Variants in USP8 observed in about 807,000 individuals in gnomAD.
The protein encoded by USP8 is ubiquitin specific peptidase 8.
A neutral mutation model predicts 130.0 loss-of-function variants in USP8; 27 were observed. The ratio of observed to expected loss-of-function variants is 0.21; its 90% CI spans 0.15 to 0.29. The LOEUF is 0.29. Among genes scored for constraint, USP8 ranks in the 10% least tolerant of loss-of-function variants. The pLI is 1.00. For synonymous variants in USP8, 392 were observed against 444.1 expected, an observed-to-expected ratio of 0.88 and a Z score of 1.48; for missense variants, 1,029 against 1,312.2, an observed-to-expected ratio of 0.78 and a Z score of 3.33.
At chr15:50,498,006 A>C (rs2052481959) in intron 18 of USP8, among the ~76,000 whole-genome samples, 1 of 152,112 alleles carries the variant, frequency 6.6e-6, no homozygotes. Flanking sequence ...CCATTGTCCT[A>C]GTTGAGGATT....
chr15:50,459,591 A>G (rs1337075697), intron 5 of USP8, among the ~76,000 whole-genome samples: 1 of 152,218 alleles, frequency 6.6e-6, no homozygotes, highest in African/African-American at 2.4e-5. Flanking sequence ...TCTCAAAAAA[A>G]AAGAAAAGAA....
intron 14 of USP8, 87 bp from the exon 15 acceptor site, chr15:50,492,614 G>T: frequency 1.5e-6 from 2 of 1,322,880 alleles, no homozygotes; most frequent in Non-Finnish European, 2.1e-6. Context: ...TGGTACAGGT[G>T]CTACAGTTTG....
In USP8 at chr15:50,462,312, C is replaced by G; in HGVS notation, c.531C>G (p.Thr177=). Residue 177 remains threonine (T), a synonymous_variant, in exon 6 of 20, where the codon ACC becomes ACG. Coordinates refer to ENST00000307179, the MANE Select transcript of USP8 (RefSeq NM_005154.5). ...SNGEKNEKCE[T]KEKGAITAKE... is the part of the protein sequence containing the mutation. ...GTGAAAAGAATGAAAAATGTGAGAC[C>G]AAAGAGAAAGGTAAGTGTGTACAGA... The G allele has an allele frequency of 6.3e-7, 1 of 1,599,224 alleles. No homozygotes were observed. Among genetic ancestry groups the G allele is most frequent in the Non-Finnish European group, 8.5e-7 (1 of 1,175,856 alleles).
At chr15:50,469,924 C>A (rs1448389406) in intron 7 of USP8, among the ~76,000 whole-genome samples, 1 of 151,874 alleles carries the variant, frequency 6.6e-6, no homozygotes, top group Non-Finnish European at 1.5e-5. Context: ...CCCCACCTCC[C>A]AGGTTCAAGC....
At chr15:50,489,515 C>T (rs2052081478) in intron 12 of USP8, 2 of 162,856 alleles carry the variant, frequency 1.2e-5, no homozygotes. Flanking sequence ...CACTGTCTTC[C>T]TCCCCGTGAA....
In USP8 at chr15:50,481,577, A is replaced by G. The variant is rs2051771382; in HGVS notation, c.1315A>G (p.Lys439Glu). 1.9e-6 allele frequency: 3 copies of G among 1,614,002 alleles called. No individual in the cohort carries two copies. The highest frequency in any genetic ancestry group is 3.3e-5 in the Admixed American group (2 of 59,992). ...NHEQQSPQSG[K>E]VIPDRSTKPV... ...TGAGCAACAATCTCCTCAGAGTGGA[A>G]AAGTTATTCCTGATCGTTCCACCAA... Residue 439 changes from lysine (K) to glutamate (E), a missense_variant, in exon 11 of 20, where the codon AAA becomes GAA. Around this residue, in one of 4 missense-constraint regions of USP8, gnomAD observed 486 missense variants for 522.0 expected, o/e 0.93. Coordinates refer to ENST00000307179, the MANE Select transcript of USP8 (RefSeq NM_005154.5).
rs1566894264 is a variant in USP8, at chr15:50,497,328, C to T, written c.3038+97C>T. ...CTTGTTGTACTGCCTGCCATGGGCA[C>T]ATAACAAAGGGCGATTATCTGGTTA... On this transcript the variant is annotated intron_variant, in intron 18 of 19. Transcript: ENST00000307179. 5 of 1,407,406 alleles carry T rather than the reference C, an allele frequency of 3.6e-6. No individual in the cohort carries two copies. In the South Asian group the frequency reaches 7.7e-5, roughly 22 times the overall value. 87.2% of individuals were successfully genotyped at this position (1,407,406 alleles called of 1,614,324 possible). A position where few individuals can be genotyped will look rare whatever the true frequency, so the allele number is the denominator to read the frequency against.
Position 50,500,482 on chromosome 15 carries a change from A to G in USP8, c.*1394A>G, listed in dbSNP as rs2052563190. The G allele has an allele frequency of 3.1e-6, 1 of 317,720 alleles. No homozygotes were observed. 19.7% of individuals were successfully genotyped at this position (317,720 alleles called of 1,614,324 possible). Reference sequence around the variant, plus strand: ...TGCCTTTTTTAGTGAACCAAGACCCATCTTCTGGACGACAGATTTATCTTA... The same window carrying G: ...TGCCTTTTTTAGTGAACCAAGACCCGTCTTCTGGACGACAGATTTATCTTA... On this transcript the variant is annotated 3_prime_UTR_variant, in exon 20 of 20. Coordinates refer to ENST00000307179, the MANE Select transcript of USP8 (RefSeq NM_005154.5).
rs549306169 is a variant in USP8 at position 50,431,081 on chromosome 15, T to C, written c.-66+6567T>C. On this transcript the variant is annotated intron_variant, in intron 1 of 19. Transcript: ENST00000307179. ...AAGGTTGAGAAACGCTGCTGTAAAC[T>C]GATCAGTTTTAAACTGCAGTATTAC... Among the ~76,000 whole-genome samples the C allele has an allele frequency of 2.0e-5, 3 of 152,270 alleles. No homozygotes were observed. In the East Asian group the frequency reaches 5.8e-4, roughly 29 times the overall value.
At position 50,499,331 on chromosome 15, in the gene USP8, TTAAAA is replaced by T. The variant is rs2052530141; in HGVS notation, c.*247_*251del. 2 of 327,374 alleles carry T rather than the reference TTAAAA, an allele frequency of 6.1e-6. No individual in the cohort carries two copies. Among genetic ancestry groups the T allele is most frequent in the Non-Finnish European group, 1.1e-5 (2 of 181,648 alleles). The allele number at this position is 327,374 out of a possible 1,614,324, so 20.3% of individuals were successfully genotyped here. A position where few individuals can be genotyped will look rare whatever the true frequency, so the allele number is the denominator to read the frequency against. ...ACAACTTTTTTAGTCTGCTCCAAAG[TTAAAA>T]TAATTAACTAGCTAAGCATTATTAT... On this transcript the variant is annotated 3_prime_UTR_variant, in exon 20 of 20. Coordinates refer to ENST00000307179, the MANE Select transcript of USP8 (RefSeq NM_005154.5).
intron 1 of USP8, chr15:50,426,863 T>C (rs1248675806): frequency 6.6e-6 from 1 of 152,210 alleles, no homozygotes; most frequent in African/African-American, 2.4e-5. Flanking sequence ...TACTATAATT[T>C]TGATGACAAA....
At chr15:50,462,851 CTTA>C (rs1393206435) in intron 6 of USP8, among the ~76,000 whole-genome samples, 1 of 152,030 alleles carries the variant, frequency 6.6e-6, no homozygotes, top group Non-Finnish European at 1.5e-5. Context: ...TTAAGTAGGA[CTTA>C]TTATCATTTA....
rs200283811 is a variant in USP8, at chr15:50,499,080, G to A, written c.3349G>A (p.Ala1117Thr). The change falls in exon 20 of 20, where the codon GCC (alanine) becomes ACC (threonine). Residue 1117 changes from alanine to threonine, a missense_variant. Transcript: ENST00000307179. Reference protein sequence around the residue: ...TSLGPRVTDVAT With the variant: ...TSLGPRVTDVTT ...ATTGGGACCACGAGTAACTGATGTA[G>A]CCACATAAGGAGACATAGGTTATAA... The A allele has an allele frequency of 1.1e-5, 18 of 1,604,658 alleles. No homozygotes were observed. In the African/African-American group the frequency reaches 1.2e-4, roughly 11 times the overall value.
chr15:50,440,831 C>T (rs1431749467), intron 2 of USP8, among the ~76,000 whole-genome samples: 2 of 149,790 alleles, frequency 1.3e-5, no homozygotes, highest in Non-Finnish European at 3.0e-5. Context: ...GGTGAAACCT[C>T]GTCTCTACTA....
At chr15:50,496,902 T>A (rs1450776404) in intron 17 of USP8, 187 bp from the exon 18 acceptor site, 10 of 658,562 alleles carry the variant, frequency 1.5e-5, no homozygotes, top group South Asian at 4.6e-5. Flanking sequence ...CTCACCACAC[T>A]CTGTGCTGTC....
rs1198802758 is a variant in USP8, at chr15:50,499,095, A to G, written c.*7A>G. 1.1e-5 allele frequency: 18 copies of G among 1,587,988 alleles called. No individual in the cohort carries two copies. Among genetic ancestry groups the G allele is most frequent in the Non-Finnish European group, 1.4e-5 (16 of 1,167,560 alleles). ...AACTGATGTAGCCACATAAGGAGAC[A>G]TAGGTTATAAACTAGTTATCTTTTA... On this transcript the variant is annotated 3_prime_UTR_variant, in exon 20 of 20. Transcript: ENST00000307179.
Position 50,504,636 on chromosome 15 carries a change from GGTACAACT to G in USP8, c.*5553_*5560del, listed in dbSNP as rs1161255465. ...GGAACCAACTCCCTGCAGATACTGA[GGTACAACT>G]GTACTGGAAATTAACTTAATGAAGA... On this transcript the variant is annotated 3_prime_UTR_variant, in exon 20 of 20. Coordinates refer to ENST00000307179, the MANE Select transcript of USP8 (RefSeq NM_005154.5). 6.6e-6 allele frequency: 1 copy of G among 152,160 alleles called. No homozygotes were observed. Among genetic ancestry groups the G allele is most frequent in the Non-Finnish European group, 1.5e-5 (1 of 68,066 alleles). The allele number at this position is 152,160 out of a possible 1,614,324, so 9.4% of individuals were successfully genotyped here.
chr15:50,489,826 C>T lies in USP8; in HGVS notation c.1916C>T (p.Ala639Val), dbSNP rs749992885. The change falls in exon 13 of 20, where the codon GCA becomes GTA. Residue 639 changes from alanine to valine, a missense_variant. Around this residue, in one of 4 missense-constraint regions of USP8, gnomAD observed 486 missense variants for 522.0 expected, o/e 0.93. Transcript: ENST00000307179. ...GCTCAACGAGAACCTTTGACAAGAG[C>T]ACGAAGTGAAGAAATGGGGAGGATC... Reference protein sequence around the residue: ...NKAQREPLTRARSEEMGRIVP... With the variant: ...NKAQREPLTRVRSEEMGRIVP... 2 of 1,571,470 alleles carry T rather than the reference C, an allele frequency of 1.3e-6. No individual in the cohort carries two copies. Among genetic ancestry groups the T allele is most frequent in the Non-Finnish European group, 1.7e-6 (2 of 1,158,888 alleles).
intron 6 of USP8, among the ~76,000 whole-genome samples, chr15:50,464,659 C>A (rs1192486015): frequency 1.3e-5 from 2 of 152,148 alleles, no homozygotes; most frequent in East Asian, 3.8e-4. Context: ...GAGTTCCAGA[C>A]CAGCCTAGTC....
Sources: allele counts gnomAD v4.1 joint callset (sites outside exome capture counted in the v4.1 genomes callset), GRCh38; gene constraint gnomAD v4.1.1; regional missense constraint gnomAD v4.1.1; transcripts MANE v1.5; gene names NCBI Gene and HGNC (gene_info 2026-07-23, HGNC 2026-07-21).